The following HCN1 variants were observed in gnomAD, a reference collection of about 807,000 sequenced individuals.
The protein encoded by HCN1 is potassium/sodium hyperpolarization-activated cyclic nucleotide-gated channel 1.
HCN1 carries 13 observed loss-of-function variants against 78.9 expected under a neutral mutation model. The observed-to-expected ratio is 0.16, with a 90% CI of 0.11 to 0.26. HCN1 has a LOEUF of 0.26. HCN1 is among the 10% of genes least tolerant of loss of function. The pLI is 1.00. For synonymous variants in HCN1, 552 were observed against 455.5 expected (o/e 1.21, Z -2.70); for missense variants, 810 against 1,154.3 (o/e 0.70, Z 4.32).
intron 2 of HCN1, among the ~76,000 whole-genome samples, chr5:45,465,623 T>C (rs1741253793): frequency 1.3e-5 from 2 of 151,994 alleles, no homozygotes; most frequent in South Asian, 4.2e-4. Context: ...GGCGTGGCGG[T>C]GGGCACCTGT....
chr5:45,319,266 G>T (rs2111932818), intron 5 of HCN1, among the ~76,000 whole-genome samples: 1 of 152,002 alleles, frequency 6.6e-6, no homozygotes, highest in South Asian at 2.1e-4. Flanking sequence ...TACAGTTGCT[G>T]CCAAAAGTTT....
intron 5 of HCN1, among the ~76,000 whole-genome samples, chr5:45,342,497 C>A (rs547006331): frequency 6.6e-6 from 1 of 152,090 alleles, no homozygotes; most frequent in African/African-American, 2.4e-5. Flanking sequence ...CTCGGCCACC[C>A]AAAATGCTGG....
intron 4 of HCN1, among the ~76,000 whole-genome samples, chr5:45,375,171 A>G (rs1747584718): frequency 8.3e-6 from 1 of 121,182 alleles, no homozygotes; most frequent in Non-Finnish European, 1.6e-5. Context: ...AATATATTTT[A>G]TAATATATAA....
intron 1 of HCN1, among the ~76,000 whole-genome samples, chr5:45,666,654 G>T (rs1746056383): frequency 6.6e-6 from 1 of 152,062 alleles, no homozygotes; most frequent in African/African-American, 2.4e-5. Context: ...TCCAACTACA[G>T]TAAATGTAAC....
intron 6 of HCN1, among the ~76,000 whole-genome samples, chr5:45,282,688 A>G (rs1020224728): frequency 6.6e-6 from 1 of 152,188 alleles, no homozygotes; most frequent in African/African-American, 2.4e-5. Flanking sequence ...TTCAGCAAGC[A>G]TCTACTTAGT....
At chr5:45,673,623 C>T (rs1746200580) in intron 1 of HCN1, among the ~76,000 whole-genome samples, 1 of 151,590 alleles carries the variant, frequency 6.6e-6, no homozygotes, top group South Asian at 2.1e-4. Context: ...CATCCCTACT[C>T]ATTAGTGGCT....
At chr5:45,336,957 T>G (rs1746469796) in intron 5 of HCN1, among the ~76,000 whole-genome samples, 1 of 151,954 alleles carries the variant, frequency 6.6e-6, no homozygotes, top group African/African-American at 2.4e-5. Context: ...ATCATCACCT[T>G]GGGGATTAGG....
intron 2 of HCN1, among the ~76,000 whole-genome samples, chr5:45,486,814 C>T (rs2111688511): frequency 6.6e-6 from 1 of 152,096 alleles, no homozygotes; most frequent in South Asian, 2.1e-4. Context: ...TCTATGTATG[C>T]AATTAAATAT....
chr5:45,397,464 A>C (rs914061991), intron 3 of HCN1, among the ~76,000 whole-genome samples: 1 of 151,994 alleles, frequency 6.6e-6, no homozygotes, highest in Non-Finnish European at 1.5e-5. Context: ...AAAAAATTGC[A>C]AGCTCAATTT....
At chr5:45,443,560 A>G (rs1240238999) in intron 3 of HCN1, among the ~76,000 whole-genome samples, 1 of 152,086 alleles carries the variant, frequency 6.6e-6, no homozygotes, top group Admixed American at 6.5e-5. Context: ...CTCTATATAG[A>G]TAAGCATTTT....
At chr5:45,513,180 C>A (rs913059742) in intron 2 of HCN1, among the ~76,000 whole-genome samples, 10 of 151,912 alleles carry the variant, frequency 6.6e-5, no homozygotes, top group Admixed American at 2.6e-4. Context: ...GAGAAAGTAA[C>A]TGAAATTTAA....
intron 1 of HCN1, among the ~76,000 whole-genome samples, chr5:45,684,598 C>T (rs1255077573): frequency 3.3e-5 from 5 of 152,144 alleles, no homozygotes; most frequent in African/African-American, 9.7e-5. Flanking sequence ...CGGTGGCTCA[C>T]GCCTGTAAAC....
intron 4 of HCN1, among the ~76,000 whole-genome samples, chr5:45,373,820 TATATACGTCATCTATAATATATTACATAC>T (rs1747502139): frequency 7.8e-6 from 1 of 128,604 alleles, no homozygotes; most frequent in African/African-American, 3.0e-5. Context: ...TTACATACGG[TATATACGTCATCTATAATATATTACATAC>T]GGTATATACG....
chr5:45,312,128 T>C (rs1182460977), intron 5 of HCN1, among the ~76,000 whole-genome samples: 1 of 152,180 alleles, frequency 6.6e-6, no homozygotes, highest in Non-Finnish European at 1.5e-5. Context: ...GGAATGGTTG[T>C]TTCAGTCTTC....
At position 45,589,700 on chromosome 5, in the gene HCN1, G is replaced by A. The variant is rs983627793; in HGVS notation, c.849+55485C>T. Among the ~76,000 whole-genome samples, 3 of 152,134 alleles carry A rather than the reference G, an allele frequency of 2.0e-5. No homozygotes were observed. The East Asian group carries it at 5.8e-4, about 29-fold the overall frequency. ...TAATTCCATGTGAATGGCAATACAT[G>A]TTTTTAATGGCCAATAGTAATATTT... On this transcript the variant is annotated intron_variant, in intron 2 of 7. Coordinates refer to ENST00000303230, the MANE Select transcript of HCN1 (RefSeq NM_021072.4).
intron 4 of HCN1, among the ~76,000 whole-genome samples, chr5:45,379,898 A>T (rs1747768032): frequency 6.6e-6 from 1 of 152,060 alleles, no homozygotes; most frequent in South Asian, 2.1e-4. Context: ...AGTTCGAGAA[A>T]TGGATAGTGG....
chr5:45,589,169 GA>G (rs1346438773), intron 2 of HCN1, among the ~76,000 whole-genome samples: 1 of 152,162 alleles, frequency 6.6e-6, no homozygotes, highest in Admixed American at 6.5e-5. Context: ...TAGACTGTAA[GA>G]ATCAGCCTCA....
intron 3 of HCN1, among the ~76,000 whole-genome samples, chr5:45,415,583 G>T (rs1232379620): frequency 6.6e-6 from 1 of 151,954 alleles, no homozygotes; most frequent in Non-Finnish European, 1.5e-5. Context: ...GTGTTTTCTG[G>T]TCTCCTTTCT....
At chr5:45,423,185 T>C (rs958879684) in intron 3 of HCN1, among the ~76,000 whole-genome samples, 2 of 152,168 alleles carry the variant, frequency 1.3e-5, no homozygotes, top group African/African-American at 2.4e-5. Flanking sequence ...TATGTACCCA[T>C]AAAATTTTAA....
Sources: gnomAD v4.1 joint callset for allele counts (sites outside exome capture counted in the v4.1 genomes callset) on GRCh38, gnomAD v4.1.1 for gene constraint, MANE v1.5 for transcripts, NCBI Gene and HGNC (gene_info 2026-07-23, HGNC 2026-07-21) for gene names.